Variants in INSL6 observed in about 807,000 individuals in gnomAD.
The protein encoded by INSL6 is insulin like 6.
In INSL6, 16 loss-of-function variants were observed where a neutral mutation model predicts 9.4. That is an observed-to-expected ratio of 1.70 (90% CI 1.15 to 2.59). INSL6 has a LOEUF of 2.59. Among genes scored for constraint, INSL6 ranks in the 30% most tolerant of loss-of-function variants. INSL6 has a pLI of 0.00. For synonymous variants in INSL6, 154 were observed against 96.9 expected, an observed-to-expected ratio of 1.59 and a Z score of -3.46; for missense variants, 391 against 257.3, an observed-to-expected ratio of 1.52 and a Z score of -3.56.
At chr9:5,127,906 G>C (rs1034122193) in intron 3 of INSL6, 11 of 232,206 alleles carry the variant, frequency 4.7e-5, no homozygotes, top group African/African-American at 2.4e-4. Context: ...AAAAAAGTAT[G>C]CTTGTTAATT....
chr9:5,153,772 G>A (rs888936227), intron 2 of INSL6, among the ~76,000 whole-genome samples: 3 of 152,174 alleles, frequency 2.0e-5, no homozygotes, highest in Non-Finnish European at 4.4e-5. Flanking sequence ...CGAGGGATGT[G>A]GAGGACCTCT....
At chr9:5,048,484 A>T in the INSL6 span, among the ~76,000 whole-genome samples, 1 of 152,132 alleles carries the variant, frequency 6.6e-6, no homozygotes. Context: ...TATTAAAAAG[A>T]ATCTACCAAG....
At chr9:5,048,873 C>A in the INSL6 span, among the ~76,000 whole-genome samples, 4 of 152,060 alleles carry the variant, frequency 2.6e-5, no homozygotes, top group Non-Finnish European at 5.9e-5. Context: ...AACCTTGATT[C>A]GCATTGTTAT....
Position 5,164,236 on chromosome 9 carries a change from T to C in INSL6, c.319A>G (p.Ser107Gly). ...TCAGGTAGTGACTGCATTTCCCAAC[T>C]GTTTACTGCTTCTTCCCAAGAAGTA... is the stretch of plus-strand genomic sequence containing the variant. Reference protein sequence around the residue: ...VSTSWEEAVNSWEMQSLPEYK... With the variant: ...VSTSWEEAVNGWEMQSLPEYK... Residue 107 changes from serine to glycine, a missense_variant, in exon 2 of 2, where the codon AGT (serine) becomes GGT (glycine). By Grantham distance (56) the Ser-to-Gly change is moderately conservative. Coordinates refer to ENST00000381641, the MANE Select transcript of INSL6 (RefSeq NM_007179.3). 2 of 1,606,102 alleles carry C rather than the reference T, an allele frequency of 1.2e-6. No individual in the cohort carries two copies. Among genetic ancestry groups the C allele is most frequent in the Non-Finnish European group, 1.7e-6 (2 of 1,177,112 alleles).
At chr9:4,996,694 C>T in the INSL6 span, among the ~76,000 whole-genome samples, 1 of 151,784 alleles carries the variant, frequency 6.6e-6, no homozygotes, top group Non-Finnish European at 1.5e-5. Context: ...TTATCCTTGC[C>T]TTCACCCCTA....
At chr9:5,095,220 C>T in the INSL6 span, among the ~76,000 whole-genome samples, 2 of 151,984 alleles carry the variant, frequency 1.3e-5, no homozygotes, top group African/African-American at 2.4e-5. Flanking sequence ...ATACCCTTCC[C>T]ATACTAATTA....
At chr9:5,093,609 AT>A in the INSL6 span, among the ~76,000 whole-genome samples, 10 of 152,190 alleles carry the variant, frequency 6.6e-5, no homozygotes, top group Admixed American at 6.5e-4. Context: ...TGCATTAAAA[AT>A]TTTGGTTGGG....
the INSL6 span, among the ~76,000 whole-genome samples, chr9:5,058,643 G>C: frequency 6.6e-6 from 1 of 152,168 alleles, no homozygotes; most frequent in South Asian, 2.1e-4. Flanking sequence ...GTTTTCCATA[G>C]CAGCGGCACC....
At chr9:5,066,917 G>A in the INSL6 span, 289 of 393,012 alleles carry the variant, frequency 7.4e-4, 1 homozygote, top group African/African-American at 5.1e-3. Flanking sequence ...CTAGTATAAT[G>A]CTTAATTTCC....
the INSL6 span, chr9:5,100,032 A>G: frequency 2.0e-5 from 3 of 152,236 alleles, no homozygotes; most frequent in African/African-American, 7.2e-5. Flanking sequence ...TAGCTGTGCA[A>G]TTAACAGCCA....
the INSL6 span, among the ~76,000 whole-genome samples, chr9:5,037,873 G>T: frequency 6.6e-6 from 1 of 152,008 alleles, no homozygotes; most frequent in Non-Finnish European, 1.5e-5. Flanking sequence ...AAATGAAAAG[G>T]CAAATTGTAA....
At chr9:5,077,051 T>C in the INSL6 span, among the ~76,000 whole-genome samples, 3 of 152,028 alleles carry the variant, frequency 2.0e-5, no homozygotes, top group Non-Finnish European at 4.4e-5. Flanking sequence ...TCTATAGTAC[T>C]ATAGACAATT....
chr9:5,134,989 A>C (rs1824364795), intron 2 of INSL6, among the ~76,000 whole-genome samples: 1 of 152,218 alleles, frequency 6.6e-6, no homozygotes, highest in South Asian at 2.1e-4. Flanking sequence ...GAATGGAGGA[A>C]CATTTACCAA....
the INSL6 span, among the ~76,000 whole-genome samples, chr9:5,011,474 G>A: frequency 6.6e-6 from 1 of 152,202 alleles, no homozygotes; most frequent in Admixed American, 6.5e-5. Context: ...AAAGGCATGA[G>A]CCATGACTCC....
At chr9:5,176,709 G>T (rs894783319) in intron 1 of INSL6, among the ~76,000 whole-genome samples, 2 of 111,694 alleles carry the variant, frequency 1.8e-5, no homozygotes, top group Non-Finnish European at 1.8e-5. Flanking sequence ...AACAAAACAA[G>T]AAATCAAAGC....
the INSL6 span, among the ~76,000 whole-genome samples, chr9:5,056,168 A>G: frequency 1.3e-5 from 2 of 152,142 alleles, no homozygotes; most frequent in African/African-American, 4.8e-5. Flanking sequence ...AAGGAGAAAA[A>G]ATAAATCAAT....
At chr9:5,057,040 G>C in the INSL6 span, among the ~76,000 whole-genome samples, 1 of 152,126 alleles carries the variant, frequency 6.6e-6, no homozygotes, top group Non-Finnish European at 1.5e-5. Context: ...AACAAACTGG[G>C]AAGAGTTGAC....
At chr9:5,108,836 T>C in the INSL6 span, 12 of 152,224 alleles carry the variant, frequency 7.9e-5, no homozygotes, top group African/African-American at 2.4e-4. Flanking sequence ...TCCAAACCCC[T>C]TGAAGCTTTA....
chr9:5,163,916 GTA>G lies in INSL6; in HGVS notation c.637_638del (p.Tyr213LeufsTer10). Reference protein sequence around the residue: ...EKRSSLVTKIY With the variant: ...EKRSSLVTKIX ...GTTAGAAAAAATTCTAAGATGGTTAGTATATCTTAGTTACAAGTGATGATCTT... is the reference window on the plus strand; with the variant it reads ...GTTAGAAAAAATTCTAAGATGGTTAGTATCTTAGTTACAAGTGATGATCTT... On this transcript the variant is annotated frameshift_variant, in exon 2 of 2. Transcript: ENST00000381641. LOFTEE classifies it high-confidence loss of function. 1 of 1,564,348 alleles carries G rather than the reference GTA, an allele frequency of 6.4e-7. No individual in the cohort carries two copies. Among genetic ancestry groups the G allele is most frequent in the East Asian group, 2.2e-5 (1 of 44,606 alleles).
Sources: gnomAD v4.1 joint callset for allele counts (sites outside exome capture counted in the v4.1 genomes callset) on GRCh38, gnomAD v4.1.1 for gene constraint, MANE v1.5 for transcripts, NCBI Gene and HGNC (gene_info 2026-07-23, HGNC 2026-07-21) for gene names.